The following CDH18 variants were observed in gnomAD, a reference collection of about 807,000 sequenced individuals.
The protein encoded by CDH18 is cadherin-18.
A neutral mutation model predicts 67.9 loss-of-function variants in CDH18; 31 were observed. That is an observed-to-expected ratio of 0.46 (90% CI 0.34 to 0.62). The LOEUF (loss-of-function observed/expected upper bound fraction) is 0.62, where lower values mean the gene tolerates loss of function less well. Among genes scored for constraint, CDH18 ranks in the 20% least tolerant of loss-of-function variants. The pLI is 0.01. For synonymous variants in CDH18, 362 were observed against 347.2 expected, an observed-to-expected ratio of 1.04 and a Z score of -0.48; for missense variants, 890 against 975.5, an observed-to-expected ratio of 0.91 and a Z score of 1.17.
chr5:20,371,606 A>G (rs1743005646), intron 1 of CDH18, among the ~76,000 whole-genome samples: 2 of 152,226 alleles, frequency 1.3e-5, no homozygotes, highest in African/African-American at 4.8e-5. Context: ...GCAAAGAAAG[A>G]AAAAAAGTAA....
chr5:19,771,970 C>T (rs1250161106), intron 3 of CDH18, among the ~76,000 whole-genome samples: 2 of 152,082 alleles, frequency 1.3e-5, no homozygotes, highest in African/African-American at 4.8e-5. Flanking sequence ...AAGAAATTTA[C>T]ATTCAAAAAA....
At chr5:19,652,940 A>G (rs1755787948) in intron 5 of CDH18, among the ~76,000 whole-genome samples, 1 of 152,134 alleles carries the variant, frequency 6.6e-6, no homozygotes, top group East Asian at 1.9e-4. Context: ...GGGTAAAAAA[A>G]TCTTTGCAGG....
At chr5:19,684,530 A>G (rs1760789754) in intron 5 of CDH18, among the ~76,000 whole-genome samples, 1 of 151,088 alleles carries the variant, frequency 6.6e-6, no homozygotes, top group African/African-American at 2.4e-5. Context: ...AAATAATAAA[A>G]TACAGAATAG....
intron 1 of CDH18, among the ~76,000 whole-genome samples, chr5:20,535,229 T>C (rs2126567408): frequency 6.6e-6 from 1 of 152,268 alleles, no homozygotes; most frequent in South Asian, 2.1e-4. Context: ...GAAGTGCCGA[T>C]TTGCTTGCTG....
chr5:19,703,092 C>G (rs1763479939), intron 5 of CDH18, among the ~76,000 whole-genome samples: 1 of 152,120 alleles, frequency 6.6e-6, no homozygotes. Flanking sequence ...AGGCTGTCAG[C>G]CCCGATTCCT....
intron 1 of CDH18, among the ~76,000 whole-genome samples, chr5:20,491,058 C>G (rs1013768724): frequency 6.6e-6 from 1 of 151,870 alleles, no homozygotes; most frequent in African/African-American, 2.4e-5. Flanking sequence ...AATACATATG[C>G]AATTTTAATT....
chr5:19,517,051 T>A (rs2126875238), intron 10 of CDH18, among the ~76,000 whole-genome samples: 1 of 152,244 alleles, frequency 6.6e-6, no homozygotes, highest in Non-Finnish European at 1.5e-5. Flanking sequence ...TTTATGAAAC[T>A]GTCAAAATAT....
intron 1 of CDH18, among the ~76,000 whole-genome samples, chr5:20,532,390 T>A (rs147639618): frequency 3.3e-5 from 5 of 152,284 alleles, no homozygotes; most frequent in African/African-American, 1.2e-4. Context: ...AGAGTCTCTT[T>A]TTTTCTCCTG....
intron 2 of CDH18, among the ~76,000 whole-genome samples, chr5:20,099,213 C>T (rs1746248454): frequency 6.6e-6 from 1 of 152,024 alleles, no homozygotes; most frequent in Admixed American, 6.6e-5. Context: ...GCTGTTTTTC[C>T]ACTGATTTCC....
chr5:19,803,746 C>T (rs1777712504), intron 3 of CDH18: 2 of 152,098 alleles, frequency 1.3e-5, no homozygotes. Flanking sequence ...ATTAAGCTAG[C>T]TAATAAATTG....
At chr5:19,553,635 T>C (rs961405387) in intron 8 of CDH18, among the ~76,000 whole-genome samples, 1 of 103,864 alleles carries the variant, frequency 9.6e-6, no homozygotes, top group Non-Finnish European at 2.2e-5. Flanking sequence ...GTCTCATACT[T>C]TTTTTTTTTT....
At chr5:20,204,365 A>C (rs1392422874) in intron 2 of CDH18, among the ~76,000 whole-genome samples, 1 of 151,690 alleles carries the variant, frequency 6.6e-6, no homozygotes, top group Non-Finnish European at 1.5e-5. Flanking sequence ...TAAGGAAAAA[A>C]AAAGTGCCAT....
At chr5:19,759,633 T>C (rs1303107200) in intron 3 of CDH18, among the ~76,000 whole-genome samples, 1 of 152,288 alleles carries the variant, frequency 6.6e-6, no homozygotes, top group African/African-American at 2.4e-5. Context: ...CAATGATGTC[T>C]TGTGTCCCTT....
At chr5:20,165,723 T>G in intron 2 of CDH18, among the ~76,000 whole-genome samples, 1 of 152,288 alleles carries the variant, frequency 6.6e-6, no homozygotes, top group East Asian at 1.9e-4. Flanking sequence ...TATATTTTGT[T>G]TTATTTATTT....
chr5:20,082,668 G>A (rs542207243), intron 2 of CDH18, among the ~76,000 whole-genome samples: 1 of 152,140 alleles, frequency 6.6e-6, no homozygotes, highest in East Asian at 1.9e-4. Flanking sequence ...TTGGAAATGG[G>A]GTATTTACAA....
chr5:19,712,237 A>T (rs2150533732), intron 5 of CDH18, among the ~76,000 whole-genome samples: 1 of 152,158 alleles, frequency 6.6e-6, no homozygotes, highest in East Asian at 1.9e-4. Flanking sequence ...CAAAAGCCCA[A>T]ATTTCACCAC....
chr5:19,949,255 A>C (rs928422629), intron 2 of CDH18, among the ~76,000 whole-genome samples: 1 of 152,168 alleles, frequency 6.6e-6, no homozygotes, highest in African/African-American at 2.4e-5. Flanking sequence ...AGAATAAAGA[A>C]AACAAGTTTT....
chr5:20,073,697 G>A (rs1191370521), intron 2 of CDH18, among the ~76,000 whole-genome samples: 1 of 151,854 alleles, frequency 6.6e-6, no homozygotes, highest in African/African-American at 2.4e-5. Flanking sequence ...CTAATACACA[G>A]TATTTATTGC....
At chr5:19,641,213 C>T (rs549190338) in intron 5 of CDH18, among the ~76,000 whole-genome samples, 90 of 146,354 alleles carry the variant, frequency 6.1e-4, no homozygotes, top group Non-Finnish European at 1.0e-3. Context: ...GCCCAACAAA[C>T]AAAAGCTCAG....
Sources: allele counts gnomAD v4.1 joint callset (sites outside exome capture counted in the v4.1 genomes callset), GRCh38; gene constraint gnomAD v4.1.1; transcripts MANE v1.5; gene names NCBI Gene and HGNC (gene_info 2026-07-23, HGNC 2026-07-21).